The following CNNM2 variants were observed in gnomAD, a reference collection of about 807,000 sequenced individuals.
CNNM2 encodes the protein metal transporter CNNM2.
CNNM2 carries 12 observed loss-of-function variants against 66.9 expected under a neutral mutation model. That is an observed-to-expected ratio of 0.18 (90% confidence interval 0.11 to 0.29). The LOEUF (loss-of-function observed/expected upper bound fraction) is 0.29, where lower values mean the gene tolerates loss of function less well. Ranked by LOEUF, CNNM2 falls within the 10% of genes least tolerant of loss-of-function variation. The pLI, the probability that CNNM2 is intolerant of heterozygous loss-of-function variation, is 1.00. For missense variants in CNNM2, 705 were observed against 1,167.7 expected, an observed-to-expected ratio of 0.60 and a Z score of 5.77; for synonymous variants, 557 against 501.8, an observed-to-expected ratio of 1.11 and a Z score of -1.47.
chr10:102,922,574 AAAAC>A (rs1420884037), intron 1 of CNNM2, among the ~76,000 whole-genome samples: 4 of 152,228 alleles, frequency 2.6e-5, no homozygotes, highest in African/African-American at 9.6e-5. Flanking sequence ...AACCCAAAAC[AAAAC>A]AAACAACCCC....
chr10:102,944,874 G>A (rs899593090), intron 1 of CNNM2, among the ~76,000 whole-genome samples: 1 of 151,772 alleles, frequency 6.6e-6, no homozygotes, highest in African/African-American at 2.4e-5. Flanking sequence ...TCATGACATT[G>A]ACATTTTTGG....
intron 1 of CNNM2, among the ~76,000 whole-genome samples, chr10:102,936,401 C>T (rs1209706294): frequency 6.6e-6 from 1 of 152,064 alleles, no homozygotes; most frequent in Non-Finnish European, 1.5e-5. Flanking sequence ...GAGTTGATAA[C>T]TAAGCAGAGA....
Position 103,002,479 on chromosome 10 carries a change from C to CTT in CNNM2, c.1622-47212_1622-47211dup, listed in dbSNP as rs34131768. Reference sequence around the variant, plus strand: ...AGGATGTGGCTGACAAGACTGGAATCTTTTTTTTTTTTTTTTTGAGACAGA... The same window carrying CTT: ...AGGATGTGGCTGACAAGACTGGAATCTTTTTTTTTTTTTTTTTTTGAGACAGA... On this transcript the variant is annotated intron_variant, in intron 1 of 7. Coordinates refer to ENST00000369878, the MANE Select transcript of CNNM2 (RefSeq NM_017649.5). 1.2e-3 allele frequency among the ~76,000 whole-genome samples: 162 copies of CTT among 136,268 alleles called. 4 individuals carry two copies. The highest frequency in any genetic ancestry group is 3.8e-3 in the East Asian group (18 of 4,744). 89.4% of individuals were successfully genotyped at this position (136,268 alleles called of 152,430 possible).
chr10:103,074,882 T>G (rs1459541181), intron 6 of CNNM2, among the ~76,000 whole-genome samples: 1 of 152,156 alleles, frequency 6.6e-6, no homozygotes, highest in Non-Finnish European at 1.5e-5. Flanking sequence ...TGGAGATTCT[T>G]GGAGTACTTA....
intron 1 of CNNM2, among the ~76,000 whole-genome samples, chr10:102,980,614 C>A (rs1211098838): frequency 6.6e-6 from 1 of 152,090 alleles, no homozygotes; most frequent in African/African-American, 2.4e-5. Flanking sequence ...AAGATAAGGA[C>A]TTTCCTTTTC....
At chr10:103,010,260 C>T (rs1206579730) in intron 1 of CNNM2, among the ~76,000 whole-genome samples, 1 of 150,722 alleles carries the variant, frequency 6.6e-6, no homozygotes, top group East Asian at 1.9e-4. Context: ...CCCCTGGAGA[C>T]AGAGTTTCAC....
At chr10:103,000,769 G>A (rs2064103839) in intron 1 of CNNM2, among the ~76,000 whole-genome samples, 1 of 152,094 alleles carries the variant, frequency 6.6e-6, no homozygotes, top group Non-Finnish European at 1.5e-5. Flanking sequence ...AGTAGAGATG[G>A]GGTTTTGCCA....
Position 103,086,867 on chromosome 10 carries a change from C to T in CNNM2, c.*9687C>T, listed in dbSNP as rs995534828. On this transcript the variant is annotated 3_prime_UTR_variant, in exon 8 of 8. Transcript: ENST00000369878. ...CTGAAGTACACCATCAGAGTTTTCA[C>T]TGACTATCTATCTTTGCAGAGATGA... 1 of 152,182 alleles carries T rather than the reference C, an allele frequency of 6.6e-6. No homozygotes were observed. Among genetic ancestry groups the T allele is most frequent in the African/African-American group, 2.4e-5 (1 of 41,438 alleles). The allele number at this position is 152,182 out of a possible 1,614,324, so 9.4% of individuals were successfully genotyped here. A position where few individuals can be genotyped will look rare whatever the true frequency, so the allele number is the denominator to read the frequency against.
intron 4 of CNNM2, among the ~76,000 whole-genome samples, chr10:103,058,873 A>G (rs2134345059): frequency 6.6e-6 from 1 of 152,374 alleles, no homozygotes; most frequent in East Asian, 1.9e-4. Flanking sequence ...CATCATTAAC[A>G]AAGCATATTC....
chr10:102,958,748 G>A (rs538099945), intron 1 of CNNM2, among the ~76,000 whole-genome samples: 3 of 152,134 alleles, frequency 2.0e-5, no homozygotes, highest in African/African-American at 4.8e-5. Flanking sequence ...GGGATTATAG[G>A]TGTGAGCCAC....
Position 103,024,272 on chromosome 10 carries a change from A to G in CNNM2, c.1622-25435A>G, listed in dbSNP as rs561162205. On this transcript the variant is annotated intron_variant, in intron 1 of 7. Coordinates refer to ENST00000369878, the MANE Select transcript of CNNM2 (RefSeq NM_017649.5). ...GTATATATAAAAGTAGAGAAAATAG[A>G]CAATAAACCACAATATACCCATTAC... Among the ~76,000 whole-genome samples, 4 of 152,312 alleles carry G rather than the reference A, an allele frequency of 2.6e-5. No homozygotes were observed. In the East Asian group the frequency reaches 7.7e-4, roughly 29 times the overall value.
intron 1 of CNNM2, among the ~76,000 whole-genome samples, chr10:102,920,395 C>T (rs1845582635): frequency 6.6e-6 from 1 of 151,006 alleles, no homozygotes; most frequent in African/African-American, 2.4e-5. Flanking sequence ...TTTTTGGTCC[C>T]GTGTGTGGGC....
At chr10:102,960,783 C>CTTT (rs1183182236) in intron 1 of CNNM2, among the ~76,000 whole-genome samples, 9 of 97,858 alleles carry the variant, frequency 9.2e-5, no homozygotes, top group Non-Finnish European at 1.2e-4. Flanking sequence ...CCATACCTGG[C>CTTT]TTTTTTTTTT....
intron 1 of CNNM2, among the ~76,000 whole-genome samples, chr10:102,975,308 A>G (rs577577818): frequency 2.6e-5 from 4 of 152,278 alleles, no homozygotes; most frequent in African/African-American, 9.6e-5. Context: ...CTATCATGAC[A>G]TAACATGTTA....
intron 1 of CNNM2, among the ~76,000 whole-genome samples, chr10:103,020,071 A>G (rs992356706): frequency 6.6e-6 from 1 of 151,086 alleles, no homozygotes; most frequent in African/African-American, 2.4e-5. Flanking sequence ...AGTGAGTTCA[A>G]CTCTTTCATA....
chr10:103,076,867 T>C (rs1361818661), intron 7 of CNNM2, 104 bp from the exon 8 acceptor site: 4 of 1,034,932 alleles, frequency 3.9e-6, no homozygotes, highest in Non-Finnish European at 5.9e-6. Context: ...GATTTTCTCC[T>C]AGAGAGGCTG....
chr10:102,918,953 T>C lies in CNNM2; in HGVS notation c.473T>C (p.Ile158Thr). Residue 158 changes from isoleucine (I) to threonine (T), a missense_variant, in exon 1 of 8, where the codon ATC (isoleucine) becomes ACC (threonine). By Grantham distance (89) the Ile-to-Thr change is moderately conservative. Coordinates refer to ENST00000369878, the MANE Select transcript of CNNM2 (RefSeq NM_017649.5). This position sits in a 1 kb window ranked among gnomAD's most constrained non-coding sequence, Gnocchi z 4.1. ...QRCGIRTSDI[I>T]ILPHIILNRR... ...TGCGGCATCCGCACCTCAGACATCA[T>C]CATCTTGCCCCACATCATTCTCAAC... The C allele has an allele frequency of 1.2e-6, 2 of 1,612,370 alleles. No individual in the cohort carries two copies. Among genetic ancestry groups the C allele is most frequent in the Non-Finnish European group, 1.7e-6 (2 of 1,179,430 alleles).
intron 1 of CNNM2, among the ~76,000 whole-genome samples, chr10:102,979,227 C>G (rs1590341397): frequency 6.6e-6 from 1 of 152,104 alleles, no homozygotes; most frequent in Non-Finnish European, 1.5e-5. Flanking sequence ...TGTACCCCAG[C>G]GAGTGATCTT....
intron 1 of CNNM2, among the ~76,000 whole-genome samples, chr10:103,025,368 C>G (rs558816378): frequency 3.3e-5 from 5 of 152,216 alleles, no homozygotes; most frequent in Non-Finnish European, 5.9e-5. Context: ...GGATTACAGG[C>G]GTGAGCCACC....
Sources: gnomAD v4.1 joint callset for allele counts (sites outside exome capture counted in the v4.1 genomes callset) on GRCh38, gnomAD v4.1.1 for gene constraint, Gnocchi (gnomAD v3.1) non-coding constraint, MANE v1.5 for transcripts, NCBI Gene and HGNC (gene_info 2026-07-23, HGNC 2026-07-21) for gene names.